METTL25: variants seen among roughly 807,000 people sequenced by gnomAD.
The protein encoded by METTL25 is methyltransferase like 25, also known as probable methyltransferase-like protein 25.
In METTL25, 64 loss-of-function variants were observed where a neutral mutation model predicts 71.6. The observed-to-expected ratio is 0.89, with a 90% CI of 0.73 to 1.10. The LOEUF (loss-of-function observed/expected upper bound fraction) is 1.10, where lower values mean the gene tolerates loss of function less well. Among genes scored for constraint, METTL25 ranks in the 50% least tolerant of loss-of-function variants. The probability of loss-of-function intolerance (pLI) is 0.00; values close to 1 mark genes in which losing one functional copy is unlikely to be tolerated. For missense variants in METTL25, 807 were observed against 707.0 expected (o/e 1.14, Z -1.60); for synonymous variants, 287 against 250.3 (o/e 1.15, Z -1.38).
intron 7 of METTL25, among the ~76,000 whole-genome samples, chr12:82,435,478 G>A (rs1889848266): frequency 1.3e-5 from 2 of 151,386 alleles, no homozygotes; most frequent in Admixed American, 1.3e-4. Flanking sequence ...TATATACACT[G>A]TGCCTATCTT....
intron 1 of METTL25, among the ~76,000 whole-genome samples, chr12:82,367,019 T>C (rs998004688): frequency 6.6e-6 from 1 of 152,236 alleles, no homozygotes; most frequent in African/African-American, 2.4e-5. Flanking sequence ...GTTTGAGATA[T>C]AGAAAGTGTC....
intron 8 of METTL25, among the ~76,000 whole-genome samples, chr12:82,441,404 C>A (rs957414868): frequency 6.6e-6 from 1 of 151,236 alleles, no homozygotes; most frequent in Non-Finnish European, 1.5e-5. Flanking sequence ...AGAAATGTAC[C>A]CTTAGGAAAG....
intron 1 of METTL25, among the ~76,000 whole-genome samples, chr12:82,380,431 G>GTATA (rs202176217): frequency 4.2e-4 from 9 of 21,330 alleles, no homozygotes; most frequent in Non-Finnish European, 1.5e-3. Flanking sequence ...ATATGTATGT[G>GTATA]TATGTATATA....
At chr12:82,466,524 T>C (rs1372584317) in intron 9 of METTL25, among the ~76,000 whole-genome samples, 2 of 152,126 alleles carry the variant, frequency 1.3e-5, no homozygotes, top group Admixed American at 1.3e-4. Context: ...TGGTTAATCC[T>C]GGTGAATATT....
chr12:82,409,674 A>G (rs1028802091), intron 5 of METTL25, among the ~76,000 whole-genome samples: 1 of 152,024 alleles, frequency 6.6e-6, no homozygotes, highest in Admixed American at 6.6e-5. Flanking sequence ...GGCATCTTCT[A>G]GTATTGTTAG....
At chr12:82,413,820 T>C (rs571725969) in intron 5 of METTL25, among the ~76,000 whole-genome samples, 1 of 151,888 alleles carries the variant, frequency 6.6e-6, no homozygotes, top group Middle Eastern at 3.2e-3. Flanking sequence ...TAATAAATAC[T>C]CTACTTTCCT....
intron 8 of METTL25, among the ~76,000 whole-genome samples, chr12:82,445,779 G>T (rs1379800851): frequency 6.6e-6 from 1 of 152,192 alleles, no homozygotes; most frequent in Non-Finnish European, 1.5e-5. Context: ...CAAGATAAAT[G>T]AATCCAGCAT....
intron 1 of METTL25, among the ~76,000 whole-genome samples, chr12:82,377,462 TC>T (rs202184238): frequency 0.01 from 1,541 of 152,292 alleles, 17 homozygotes; most frequent in African/African-American, 0.036. Context: ...CTGGGTGTTA[TC>T]TAAAAAACTC....
chr12:82,437,487 G>C (rs1890004604), intron 7 of METTL25, among the ~76,000 whole-genome samples: 1 of 151,590 alleles, frequency 6.6e-6, no homozygotes, highest in African/African-American at 2.4e-5. Context: ...TTGACCCTCA[G>C]CTCACAACTT....
intron 5 of METTL25, among the ~76,000 whole-genome samples, chr12:82,423,374 C>G (rs1592699273): frequency 1.3e-5 from 2 of 152,152 alleles, no homozygotes; most frequent in African/African-American, 4.8e-5. Flanking sequence ...TTCCTTACAC[C>G]TTATACAAAA....
intron 1 of METTL25, among the ~76,000 whole-genome samples, chr12:82,380,924 T>C (rs1356256742): frequency 6.6e-6 from 1 of 152,102 alleles, no homozygotes; most frequent in Non-Finnish European, 1.5e-5. Flanking sequence ...GCCATGAAAA[T>C]TCATGAGGGA....
intron 5 of METTL25, among the ~76,000 whole-genome samples, chr12:82,422,831 C>A (rs955709827): frequency 3.3e-5 from 5 of 151,994 alleles, no homozygotes; most frequent in East Asian, 1.9e-4. Flanking sequence ...TAGGAATCCA[C>A]CTTACAAGGG....
At chr12:82,375,208 G>T (rs748828187) in intron 1 of METTL25, among the ~76,000 whole-genome samples, 6 of 152,166 alleles carry the variant, frequency 3.9e-5, no homozygotes, top group Non-Finnish European at 8.8e-5. Context: ...TTAATTGCCA[G>T]TGTGATGGTA....
intron 9 of METTL25, among the ~76,000 whole-genome samples, chr12:82,474,964 C>A (rs1435171964): frequency 6.6e-6 from 1 of 152,166 alleles, no homozygotes; most frequent in East Asian, 1.9e-4. Context: ...AGATCTCAGA[C>A]AAAATCAACA....
chr12:82,418,484 T>C (rs1488797134), intron 5 of METTL25, among the ~76,000 whole-genome samples: 2 of 152,128 alleles, frequency 1.3e-5, no homozygotes, highest in African/African-American at 4.8e-5. Flanking sequence ...ATACCCACTT[T>C]AAAAAATGTG....
At position 82,398,826 on chromosome 12, in the gene METTL25, T is replaced by C; in HGVS notation, c.563T>C (p.Leu188Pro). 1 of 1,571,284 alleles carries C rather than the reference T, an allele frequency of 6.4e-7. No homozygotes were observed. Among genetic ancestry groups the C allele is most frequent in the Non-Finnish European group, 8.6e-7 (1 of 1,167,174 alleles). Residue 188 changes from leucine (L) to proline (P), a missense_variant, in exon 4 of 12, where the codon CTA (leucine) becomes CCA (proline). Coordinates refer to ENST00000248306, the MANE Select transcript of METTL25 (RefSeq NM_032230.3). ...VIDLGSGKGY[L>P]SSFLSLKYGL... ...GACTTGGGTTCCGGTAAAGGCTACC[T>C]AAGCTCTTTTTTGTCCTTGAAGTAT...
At chr12:82,369,292 A>C (rs1415787800) in intron 1 of METTL25, among the ~76,000 whole-genome samples, 1 of 152,052 alleles carries the variant, frequency 6.6e-6, no homozygotes, top group Non-Finnish European at 1.5e-5. Context: ...GTTTTCTTTA[A>C]CTCTCCAGTG....
chr12:82,458,622 A>C (rs893161989), intron 9 of METTL25, among the ~76,000 whole-genome samples: 3 of 152,082 alleles, frequency 2.0e-5, no homozygotes, highest in South Asian at 2.1e-4. Flanking sequence ...GTTTTAGAGA[A>C]TAGTGGAGAA....
At chr12:82,435,486 C>T (rs930546679) in intron 7 of METTL25, among the ~76,000 whole-genome samples, 1 of 151,352 alleles carries the variant, frequency 6.6e-6, no homozygotes, top group Non-Finnish European at 1.5e-5. Context: ...CTGTGCCTAT[C>T]TTAAAATTGA....
Sources: gnomAD v4.1 joint callset for allele counts (sites outside exome capture counted in the v4.1 genomes callset) on GRCh38, gnomAD v4.1.1 for gene constraint, MANE v1.5 for transcripts, NCBI Gene and HGNC (gene_info 2026-07-23, HGNC 2026-07-21) for gene names.